Variants in SLC22A11 observed in about 807,000 individuals in gnomAD.
The protein encoded by SLC22A11 is organic anion transporter 4.
A neutral mutation model predicts 49.4 loss-of-function variants in SLC22A11; 42 were observed. That is an observed-to-expected ratio of 0.85 (90% CI 0.66 to 1.10). The LOEUF (loss-of-function observed/expected upper bound fraction) is 1.10, where lower values mean the gene tolerates loss of function less well. Among genes scored for constraint, SLC22A11 ranks in the 50% least tolerant of loss-of-function variants. The pLI is 0.00. For missense variants in SLC22A11, 685 were observed against 731.6 expected, an observed-to-expected ratio of 0.94 and a Z score of 0.74; for synonymous variants, 304 against 315.8, an observed-to-expected ratio of 0.96 and a Z score of 0.40.
At chr11:64,568,914 C>G in intron 8 of SLC22A11, 136 bp downstream of exon 8, 1 of 709,684 alleles carries the variant, frequency 1.4e-6, no homozygotes, top group Non-Finnish European at 2.5e-6. Flanking sequence ...AGCTCTTCCC[C>G]TTGAGAGTCT....
chr11:64,556,553 C>G (rs1288553066), intron 1 of SLC22A11, among the ~76,000 whole-genome samples, 161 bp downstream of exon 1: 2 of 152,228 alleles, frequency 1.3e-5, no homozygotes, highest in African/African-American at 2.4e-5. Context: ...CGGCAGGGAT[C>G]AGTCTACAGA....
At position 64,565,325 on chromosome 11, in the gene SLC22A11, T is replaced by C. The variant is rs745610849; in HGVS notation, c.1046T>C (p.Met349Thr). 1.3e-6 allele frequency: 2 copies of C among 1,549,572 alleles called. No homozygotes were observed. Among genetic ancestry groups the C allele is most frequent in the Non-Finnish European group, 1.7e-6 (2 of 1,147,084 alleles). The change falls in exon 6 of 10, where the codon ATG becomes ACG. Residue 349 changes from methionine to threonine, a missense_variant. Met to Thr is a moderately conservative substitution (Grantham distance 81, BLOSUM62 -1). Coordinates refer to ENST00000301891, the MANE Select transcript of SLC22A11 (RefSeq NM_018484.4). The surrounding 1 kb of genome is among the most constrained non-coding windows in gnomAD (Gnocchi z 4.1). Reference sequence around the variant, plus strand: ...GTGCTCCGCTGGAGGAGCTGCGCCATGCTGGTGGTGAAGTACGCCGTCCTG... The same window carrying C: ...GTGCTCCGCTGGAGGAGCTGCGCCACGCTGGTGGTGAAGTACGCCGTCCTG... ...VPVLRWRSCA[M>T]LVVNFSLLIS... is the part of the protein sequence containing the mutation.
In SLC22A11 at chr11:64,562,332, G is replaced by C. The variant is rs150160581; in HGVS notation, c.718G>C (p.Ala240Pro). The change falls in exon 4 of 10, where the codon GCA becomes CCA. Residue 240 changes from alanine to proline, a missense_variant. Coordinates refer to ENST00000301891, the MANE Select transcript of SLC22A11 (RefSeq NM_018484.4). This position sits in a 1 kb window ranked among gnomAD's most constrained non-coding sequence, Gnocchi z 4.4. ...GACGGTGGTGGGATGTGCCTTCAGC[G>C]CAGGCCAGGCGGCGCTGGGCGGCCT... ...TMTVVGCAFS[A>P]GQAALGGLAF... 281 of 1,611,250 alleles carry C rather than the reference G, an allele frequency of 1.7e-4. No individual in the cohort carries two copies. The highest frequency in any genetic ancestry group is 2.2e-4 in the Non-Finnish European group (256 of 1,178,838).
Position 64,556,340 on chromosome 11 carries a change from T to C in SLC22A11, c.341T>C (p.Val114Ala). 1.2e-6 allele frequency: 2 copies of C among 1,613,212 alleles called. No individual in the cohort carries two copies. Among genetic ancestry groups the C allele is most frequent in the Non-Finnish European group, 8.5e-7 (1 of 1,180,028 alleles). ...AGCGAAGCTGACACGGAGCCGTGTG[T>C]GGACGGCTGGGTCTATGACCGCAGC... ...SWSEADTEPCVDGWVYDRSVF... is the reference protein window; with the variant it reads ...SWSEADTEPCADGWVYDRSVF... Residue 114 changes from valine to alanine, a missense_variant, in exon 1 of 10, where the codon GTG (valine) becomes GCG (alanine). Transcript: ENST00000301891.
At chr11:64,560,239 G>T (rs2038524113) in intron 2 of SLC22A11, among the ~76,000 whole-genome samples, 1 of 151,956 alleles carries the variant, frequency 6.6e-6, no homozygotes. Context: ...CCCCTTGCCT[G>T]AGCCACCATC....
chr11:64,571,295 A>G lies in SLC22A11; in HGVS notation c.*253A>G, dbSNP rs1181685215. 2.0e-6 allele frequency: 1 copy of G among 502,534 alleles called. No individual in the cohort carries two copies. The highest frequency in any genetic ancestry group is 3.6e-6 in the Non-Finnish European group (1 of 281,656). The allele number at this position is 502,534 out of a possible 1,614,324, so 31.1% of individuals were successfully genotyped here. On this transcript the variant is annotated 3_prime_UTR_variant, in exon 10 of 10. Transcript: ENST00000301891. ...CCTACAGGAGCCTGTGCAGATGGCC[A>G]TGCCCAACCAATAACGAGACGGTTC...
chr11:64,564,305 C>T lies in SLC22A11; in HGVS notation c.822-3C>T. ...TCCCAGCTACACACCTGCCTCCTTA[C>T]AGGTGGCTGCCAGAATCCGCCCGGT... On this transcript the variant is annotated splice_polypyrimidine_tract_variant and splice_region_variant and intron_variant, in intron 4 of 9. Coordinates refer to ENST00000301891, the MANE Select transcript of SLC22A11 (RefSeq NM_018484.4). This position sits in a 1 kb window ranked among gnomAD's most constrained non-coding sequence, Gnocchi z 4.2. The T allele has an allele frequency of 1.2e-6, 2 of 1,614,042 alleles. No individual in the cohort carries two copies. Among genetic ancestry groups the T allele is most frequent in the Non-Finnish European group, 1.7e-6 (2 of 1,179,986 alleles).
In SLC22A11 at chr11:64,567,716, T is replaced by A; in HGVS notation, c.1176T>A (p.Thr392=). 6.2e-7 allele frequency: 1 copy of A among 1,613,802 alleles called. No individual in the cohort carries two copies. Among genetic ancestry groups the A allele is most frequent in the Non-Finnish European group, 8.5e-7 (1 of 1,180,012 alleles). Residue 392 remains threonine, a synonymous_variant, in exon 7 of 10, where the codon ACT becomes ACA. Coordinates refer to ENST00000301891, the MANE Select transcript of SLC22A11 (RefSeq NM_018484.4). ...TGGACTTCCTGGGCCGGGCCACCACTGCCCTCTTGCTCAGTTTCCTTGGCC... is the reference window on the plus strand; with the variant it reads ...TGGACTTCCTGGGCCGGGCCACCACAGCCCTCTTGCTCAGTTTCCTTGGCC... ...GAVDFLGRAT[T]ALLLSFLGRR...
At chr11:64,567,189 C>T (rs2038636409) in intron 6 of SLC22A11, among the ~76,000 whole-genome samples, 1 of 152,176 alleles carries the variant, frequency 6.6e-6, no homozygotes, top group Non-Finnish European at 1.5e-5. Context: ...TCCCGAGAGG[C>T]CCTGTCCTGC....
chr11:64,562,169 G>A lies in SLC22A11; in HGVS notation c.652+11G>A, dbSNP rs200240193. 4.3e-3 allele frequency: 6,917 copies of A among 1,611,772 alleles called. 19 individuals carry two copies. The highest frequency in any genetic ancestry group is 5.4e-3 in the Non-Finnish European group (6,319 of 1,178,748). ...GTTCACTGACACTGAGTGAGTCCCC[G>A]GCTCAGCGCGCTCCTGCCATGGGGG... On this transcript the variant is annotated intron_variant, in intron 3 of 9. Coordinates refer to ENST00000301891, the MANE Select transcript of SLC22A11 (RefSeq NM_018484.4). This position sits in a 1 kb window ranked among gnomAD's most constrained non-coding sequence, Gnocchi z 4.4.
Position 64,562,987 on chromosome 11 carries a change from T to C in SLC22A11, c.821+552T>C, listed in dbSNP as rs2038571911. 2.0e-5 allele frequency among the ~76,000 whole-genome samples: 3 copies of C among 152,288 alleles called. No individual in the cohort carries two copies. The South Asian group carries it at 6.2e-4, about 32-fold the overall frequency. On this transcript the variant is annotated intron_variant, in intron 4 of 9. Coordinates refer to ENST00000301891, the MANE Select transcript of SLC22A11 (RefSeq NM_018484.4). The surrounding 1 kb of genome is among the most constrained non-coding windows in gnomAD (Gnocchi z 4.4). Reference sequence around the variant, plus strand: ...AACATTGGATATGAAAATAGATTGTTGTCACTACAATTTTAGGGGCCGCAA... The same window carrying C: ...AACATTGGATATGAAAATAGATTGTCGTCACTACAATTTTAGGGGCCGCAA...
At chr11:64,568,565 A>G in intron 7 of SLC22A11, 105 bp from the exon 8 acceptor site, 2 of 884,656 alleles carry the variant, frequency 2.3e-6, no homozygotes, top group Non-Finnish European at 3.8e-6. Context: ...GGGGACTTGT[A>G]GGGAGCCCAG....
At chr11:64,558,211 A>C (rs2038490589) in intron 1 of SLC22A11, among the ~76,000 whole-genome samples, 1 of 152,226 alleles carries the variant, frequency 6.6e-6, no homozygotes, top group African/African-American at 2.4e-5. Context: ...TTGGGATTAC[A>C]GGCATGAGCC....
Position 64,567,687 on chromosome 11 carries a change from GC to G in SLC22A11, c.1149del (p.Val384TrpfsTer34). On this transcript the variant is annotated frameshift_variant, in exon 7 of 10. Transcript: ENST00000301891. LOFTEE classifies it high-confidence loss of function. ...CTTCCTCCTCCAGGCCCTCTTCGGGGCCGTGGACTTCCTGGGCCGGGCCACC... is the reference window on the plus strand; with the variant it reads ...CTTCCTCCTCCAGGCCCTCTTCGGGGCGTGGACTTCCTGGGCCGGGCCACC... ...DIFLLQALFG[A>X]VDFLGRATTA... is the part of the protein sequence containing the mutation. 1 of 1,614,066 alleles carries G rather than the reference GC, an allele frequency of 6.2e-7. No homozygotes were observed. The highest frequency in any genetic ancestry group is 1.1e-5 in the South Asian group (1 of 91,088).
intron 1 of SLC22A11, among the ~76,000 whole-genome samples, chr11:64,557,603 C>T (rs1266734388): frequency 1.3e-5 from 2 of 149,542 alleles, no homozygotes; most frequent in African/African-American, 2.5e-5. Context: ...CGGGGACATG[C>T]TCTGGAGCTG....
Position 64,565,331 on chromosome 11 carries a change from T to TG in SLC22A11, c.1054dup (p.Val352GlyfsTer22). 1 of 1,549,152 alleles carries TG rather than the reference T, an allele frequency of 6.5e-7. No homozygotes were observed. Among genetic ancestry groups the TG allele is most frequent in the South Asian group, 1.2e-5 (1 of 83,982 alleles). On this transcript the variant is annotated frameshift_variant, in exon 6 of 10. Transcript: ENST00000301891. LOFTEE classifies it high-confidence loss of function. The surrounding 1 kb of genome is among the most constrained non-coding windows in gnomAD (Gnocchi z 4.1). ...CGCTGGAGGAGCTGCGCCATGCTGG[T>TG]GGTGAAGTACGCCGTCCTGGTGTCC...
At chr11:64,561,576 G>A (rs1284263297) in intron 2 of SLC22A11, among the ~76,000 whole-genome samples, 1 of 152,050 alleles carries the variant, frequency 6.6e-6, no homozygotes, top group Non-Finnish European at 1.5e-5. Context: ...AGCCTCCCAA[G>A]TAGCTGGGAC....
rs2038551942 is a variant in SLC22A11, at chr11:64,562,027, GC to G, written c.522del (p.Trp175GlyfsTer38). On this transcript the variant is annotated frameshift_variant, in exon 3 of 10. Coordinates refer to ENST00000301891, the MANE Select transcript of SLC22A11 (RefSeq NM_018484.4). LOFTEE classifies it high-confidence loss of function. The surrounding 1 kb of genome is among the most constrained non-coding windows in gnomAD (Gnocchi z 4.4). ...AGGTTTGGGAGGAAGCCGATGCTGA[GC>G]TGGTGCTGCCTGCAGTTGGCCGTGG... Reference protein sequence around the residue: ...SYRFGRKPMLSWCCLQLAVAG... With the variant: ...SYRFGRKPMLXWCCLQLAVAG... 1 of 1,613,446 alleles carries G rather than the reference GC, an allele frequency of 6.2e-7. No individual in the cohort carries two copies. The highest frequency in any genetic ancestry group is 1.3e-5 in the African/African-American group (1 of 74,926).
In SLC22A11 at chr11:64,565,466, G is replaced by A; in HGVS notation, c.1058+129G>A. 1 of 762,772 alleles carries A rather than the reference G, an allele frequency of 1.3e-6. No homozygotes were observed. The highest frequency in any genetic ancestry group is 2.3e-6 in the Non-Finnish European group (1 of 443,610). The allele number at this position is 762,772 out of a possible 1,614,324, so 47.3% of individuals were successfully genotyped here. A position where few individuals can be genotyped will look rare whatever the true frequency, so the allele number is the denominator to read the frequency against. Reference sequence around the variant, plus strand: ...GCCTCAAGGGGGTGCATTTCTGTCTGGGACAGGACGCAGACAGCCCCAGCA... The same window carrying A: ...GCCTCAAGGGGGTGCATTTCTGTCTAGGACAGGACGCAGACAGCCCCAGCA... On this transcript the variant is annotated intron_variant, in intron 6 of 9. Coordinates refer to ENST00000301891, the MANE Select transcript of SLC22A11 (RefSeq NM_018484.4). The surrounding 1 kb of genome is among the most constrained non-coding windows in gnomAD (Gnocchi z 4.1).
Sources: gnomAD v4.1 joint callset for allele counts (sites outside exome capture counted in the v4.1 genomes callset) on GRCh38, gnomAD v4.1.1 for gene constraint, Gnocchi (gnomAD v3.1) non-coding constraint, MANE v1.5 for transcripts, NCBI Gene and HGNC (gene_info 2026-07-23, HGNC 2026-07-21) for gene names.